AACS: variants seen among roughly 807,000 people sequenced by gnomAD.
AACS encodes acetoacetate-CoA ligase.
A neutral mutation model predicts 83.1 loss-of-function variants in AACS; 69 were observed. That is an observed-to-expected ratio of 0.83 (90% CI 0.68 to 1.01). AACS has a LOEUF of 1.01. Among genes scored for constraint, AACS ranks in the 50% least tolerant of loss-of-function variants. The pLI, the probability that AACS is intolerant of heterozygous loss-of-function variation, is 0.00. For missense variants in AACS, 866 were observed against 882.2 expected, an observed-to-expected ratio of 0.98 and a Z score of 0.23; for synonymous variants, 333 against 343.4, an observed-to-expected ratio of 0.97 and a Z score of 0.33.
chr12:125,088,015 G>T (rs1956378713), intron 4 of AACS, among the ~76,000 whole-genome samples: 1 of 152,106 alleles, frequency 6.6e-6, no homozygotes. Flanking sequence ...CACTCTTCCT[G>T]CAGCTGCTTT....
rs1465907492 is a variant in AACS at position 125,113,189 on chromosome 12, C to G, written c.916-1288C>G. ...GTTGGATAGGATTGTTCCTGGTGAG[C>G]TCTTAAAGGGATCATCTCCTGCAAC... On this transcript the variant is annotated intron_variant, in intron 8 of 17. Coordinates refer to ENST00000316519, the MANE Select transcript of AACS (RefSeq NM_023928.5). The surrounding 1 kb of genome is among the most constrained non-coding windows in gnomAD (Gnocchi z 4.8). Among the ~76,000 whole-genome samples, 1 of 152,194 alleles carries G rather than the reference C, an allele frequency of 6.6e-6. No individual in the cohort carries two copies. Among genetic ancestry groups the G allele is most frequent in the African/African-American group, 2.4e-5 (1 of 41,432 alleles).
At chr12:125,108,333 C>G (rs943709302) in intron 8 of AACS, among the ~76,000 whole-genome samples, 70 of 152,300 alleles carry the variant, frequency 4.6e-4, no homozygotes, top group African/African-American at 1.6e-3. Context: ...TTGCTCTGTC[C>G]TCGTGTGATC....
In AACS at chr12:125,065,764, C is replaced by G. The variant is rs755927590; in HGVS notation, c.133+47C>G. On this transcript the variant is annotated intron_variant, in intron 1 of 17. Coordinates refer to ENST00000316519, the MANE Select transcript of AACS (RefSeq NM_023928.5). ...GGGCCTGCGGGGGATGGGCGGGAGC[C>G]GTGCAGGGTGGTTGGGTGGTCTCCC... The G allele has an allele frequency of 5.3e-5, 78 of 1,472,496 alleles. No homozygotes were observed. In the East Asian group the frequency reaches 1.5e-3, roughly 29 times the overall value. 91.2% of individuals were successfully genotyped at this position (1,472,496 alleles called of 1,614,324 possible).
At chr12:125,108,680 T>G (rs1956884714) in intron 8 of AACS, among the ~76,000 whole-genome samples, 1 of 152,060 alleles carries the variant, frequency 6.6e-6, no homozygotes, top group African/African-American at 2.4e-5. Context: ...TATTTTATTT[T>G]TTTTTGAGAT....
At chr12:125,133,908 A>G (rs1351324385) in intron 14 of AACS, 95 bp from the exon 15 acceptor site, 1 of 1,264,858 alleles carries the variant, frequency 7.9e-7, no homozygotes, top group Non-Finnish European at 1.1e-6. Context: ...TCTGGGCCCC[A>G]GTGATGTCTG....
intron 2 of AACS, 49 bp from the exon 3 acceptor site, chr12:125,076,442 T>C: frequency 2.5e-6 from 4 of 1,601,082 alleles, no homozygotes; most frequent in Non-Finnish European, 3.4e-6. Flanking sequence ...TGCTGATCTG[T>C]AGCGTAGTCT....
At chr12:125,088,224 C>CT (rs57107480) in intron 4 of AACS, among the ~76,000 whole-genome samples, 1,965 of 131,416 alleles carry the variant, frequency 0.015, 34 homozygotes, top group Non-Finnish European at 0.018. Flanking sequence ...TCAGAGCAGA[C>CT]TTTTTTTTTT....
At chr12:125,099,546 C>T (rs992680581) in intron 5 of AACS, among the ~76,000 whole-genome samples, 1 of 152,168 alleles carries the variant, frequency 6.6e-6, no homozygotes, top group Non-Finnish European at 1.5e-5. Context: ...TAGTCACCTG[C>T]AATATGAGGG....
intron 1 of AACS, among the ~76,000 whole-genome samples, chr12:125,071,967 C>T (rs1481234817): frequency 2.0e-5 from 3 of 152,058 alleles, no homozygotes; most frequent in Admixed American, 6.6e-5. Context: ...AAGAGATTCT[C>T]CTGCCTCAGC....
intron 2 of AACS, among the ~76,000 whole-genome samples, chr12:125,075,773 T>C (rs903318049): frequency 6.6e-6 from 1 of 150,820 alleles, no homozygotes; most frequent in Non-Finnish European, 1.5e-5. Context: ...TTTGTATTTT[T>C]AGTAGAGATG....
At chr12:125,091,602 C>A in intron 5 of AACS, 79 bp downstream of exon 5, 1 of 1,463,434 alleles carries the variant, frequency 6.8e-7, no homozygotes, top group Non-Finnish European at 9.5e-7. Flanking sequence ...GCTGAATTCC[C>A]AGGGGAGCCG....
intron 17 of AACS, chr12:125,139,407 CTT>C (rs1957447785): frequency 6.6e-6 from 1 of 152,446 alleles, no homozygotes; most frequent in Non-Finnish European, 1.5e-5. Context: ...GGCTCTGTCA[CTT>C]AGCTCTGGCC....
chr12:125,091,101 C>T lies in AACS; in HGVS notation c.473-325C>T, dbSNP rs796815636. 17 of 366,350 alleles carry T rather than the reference C, an allele frequency of 4.6e-5. 1 individual carries two copies. The highest frequency in any genetic ancestry group is 3.9e-4 in the South Asian group (16 of 40,532). The allele number at this position is 366,350 out of a possible 1,614,324, so 22.7% of individuals were successfully genotyped here. Reference sequence around the variant, plus strand: ...GTGTTCAGCAGATCAGACAGCTGTGCAAAGGCAGGAGGTGATTAGGACAAC... The same window carrying T: ...GTGTTCAGCAGATCAGACAGCTGTGTAAAGGCAGGAGGTGATTAGGACAAC... On this transcript the variant is annotated intron_variant, in intron 4 of 17. Transcript: ENST00000316519.
intron 8 of AACS, among the ~76,000 whole-genome samples, chr12:125,110,603 C>T (rs1181276253): frequency 3.3e-5 from 5 of 152,198 alleles, no homozygotes; most frequent in Non-Finnish European, 7.3e-5. Context: ...ATTTCCCTAT[C>T]AGTTGGCTCA....
At chr12:125,136,896 C>A in intron 17 of AACS, 32 bp downstream of exon 17, 1 of 1,604,714 alleles carries the variant, frequency 6.2e-7, no homozygotes, top group Non-Finnish European at 8.5e-7. Flanking sequence ...GAGGAGACCG[C>A]AGCCATCGCC....
intron 1 of AACS, among the ~76,000 whole-genome samples, chr12:125,068,962 C>T (rs963538699): frequency 1.3e-5 from 2 of 151,976 alleles, no homozygotes; most frequent in Non-Finnish European, 2.9e-5. Context: ...GCCTCAGCCT[C>T]CTGATTAGCT....
chr12:125,110,168 C>T (rs368275079), intron 8 of AACS, among the ~76,000 whole-genome samples: 3 of 147,886 alleles, frequency 2.0e-5, no homozygotes, highest in East Asian at 2.0e-4. Context: ...TATAGGCGCC[C>T]GCGACCACGG....
rs1592965469 is a variant in AACS, at chr12:125,094,603, G to A, written c.570+3080G>A. Among the ~76,000 whole-genome samples, 2 of 152,170 alleles carry A rather than the reference G, an allele frequency of 1.3e-5. No individual in the cohort carries two copies. Among genetic ancestry groups the A allele is most frequent in the Non-Finnish European group, 2.9e-5 (2 of 68,042 alleles). The stretch of plus-strand genomic sequence containing the variant: ...TTACTCGATGACACTGGGGGAACGC[G>A]TTTCTGGCCTCCGTCACTCCCCTGT... On this transcript the variant is annotated intron_variant, in intron 5 of 17. Transcript: ENST00000316519. This position sits in a 1 kb window ranked among gnomAD's most constrained non-coding sequence, Gnocchi z 4.1.
At chr12:125,114,341 C>A in intron 8 of AACS, 136 bp from the exon 9 acceptor site, 1 of 646,130 alleles carries the variant, frequency 1.5e-6, no homozygotes, top group Non-Finnish European at 2.6e-6. Context: ...CCAAAGTCTG[C>A]TTCTCCCAGG....
Sources: gnomAD v4.1 joint callset for allele counts (sites outside exome capture counted in the v4.1 genomes callset) on GRCh38, gnomAD v4.1.1 for gene constraint, Gnocchi (gnomAD v3.1) non-coding constraint, MANE v1.5 for transcripts, NCBI Gene and HGNC (gene_info 2026-07-23, HGNC 2026-07-21) for gene names.